Variants in CNOT2 observed in about 807,000 individuals in gnomAD.
CNOT2 encodes CCR4-NOT transcription complex subunit 2.
A neutral mutation model predicts 72.1 loss-of-function variants in CNOT2; 7 were observed. That is an observed-to-expected ratio of 0.10 (90% confidence interval 0.06 to 0.18). CNOT2 has a LOEUF of 0.18. CNOT2 is among the 10% of genes least tolerant of loss of function. The pLI, the probability that CNOT2 is intolerant of heterozygous loss-of-function variation, is 1.00. For missense variants in CNOT2, 345 were observed against 660.3 expected, an observed-to-expected ratio of 0.52 and a Z score of 5.23; for synonymous variants, 196 against 225.6, an observed-to-expected ratio of 0.87 and a Z score of 1.17.
intron 1 of CNOT2, among the ~76,000 whole-genome samples, chr12:70,263,537 AAT>A (rs1958878087): frequency 6.6e-6 from 1 of 152,042 alleles, no homozygotes; most frequent in South Asian, 2.1e-4. Context: ...TTAACTACAT[AAT>A]ATCTCTTTTT....
intron 4 of CNOT2, among the ~76,000 whole-genome samples, chr12:70,328,109 A>G (rs532522269): frequency 2.0e-5 from 3 of 152,038 alleles, no homozygotes; most frequent in South Asian, 4.1e-4. Flanking sequence ...TTAGGTCTCC[A>G]TGGAATCTGA....
intron 2 of CNOT2, among the ~76,000 whole-genome samples, chr12:70,290,000 T>C (rs1380606996): frequency 6.6e-6 from 1 of 152,172 alleles, no homozygotes; most frequent in Non-Finnish European, 1.5e-5. Context: ...TTACTTATAA[T>C]AGAAGCCATT....
intron 15 of CNOT2, among the ~76,000 whole-genome samples, chr12:70,350,100 G>A (rs1054836196): frequency 3.3e-5 from 5 of 151,966 alleles, no homozygotes; most frequent in African/African-American, 1.2e-4. Flanking sequence ...TCGTTTTGCT[G>A]GAATTACTCA....
intron 1 of CNOT2, among the ~76,000 whole-genome samples, chr12:70,247,759 G>A (rs1957950033): frequency 1.3e-5 from 2 of 152,154 alleles, no homozygotes; most frequent in Non-Finnish European, 2.9e-5. Context: ...CCTCTATAGT[G>A]CATAATACTT....
chr12:70,243,042 G>C (rs1957637389), upstream of CNOT2: 1 of 152,670 alleles, frequency 6.6e-6, no homozygotes, highest in African/African-American at 2.4e-5. Context: ...CGTCCCCGGG[G>C]AGGGCGGACT....
At chr12:70,278,027 T>G in intron 1 of CNOT2, 105 bp from the exon 2 acceptor site, 1 of 487,614 alleles carries the variant, frequency 2.1e-6, no homozygotes, top group Admixed American at 3.7e-5. Context: ...ATAGAACAAT[T>G]ACTTTTTGTT....
chr12:70,287,300 G>A (rs1256989228), intron 2 of CNOT2, among the ~76,000 whole-genome samples: 2 of 149,192 alleles, frequency 1.3e-5, no homozygotes, highest in Non-Finnish European at 3.0e-5. Context: ...CTAGTGATTC[G>A]TCAGTTTTAC....
rs911323790 is a variant in CNOT2 at position 70,294,549 on chromosome 12, AT to A, written c.48+16282del. Among the ~76,000 whole-genome samples, 9 of 152,260 alleles carry A rather than the reference AT, an allele frequency of 5.9e-5. No homozygotes were observed. The South Asian group carries it at 8.3e-4, about 14-fold the overall frequency. On this transcript the variant is annotated intron_variant, in intron 2 of 15. Coordinates refer to ENST00000229195, the MANE Select transcript of CNOT2 (RefSeq NM_014515.7). ...TTATAATGCAAAGGAAGGTTCTTAC[AT>A]TTTTTTAAACTTTATATTCTCCACA... is the stretch of plus-strand genomic sequence containing the variant.
chr12:70,325,063 G>A (rs1168259539), intron 4 of CNOT2, among the ~76,000 whole-genome samples: 2 of 151,848 alleles, frequency 1.3e-5, no homozygotes, highest in African/African-American at 4.8e-5. Context: ...CTTGGTCATA[G>A]CACTTATTTA....
chr12:70,245,452 A>G (rs12813767), intron 1 of CNOT2, among the ~76,000 whole-genome samples: 4 of 152,110 alleles, frequency 2.6e-5, no homozygotes, highest in African/African-American at 9.7e-5. Context: ...TTAGTGCTTT[A>G]TCAATACAAA....
At chr12:70,275,178 A>C (rs2135792408) in intron 1 of CNOT2, among the ~76,000 whole-genome samples, 1 of 152,120 alleles carries the variant, frequency 6.6e-6, no homozygotes, top group East Asian at 1.9e-4. Context: ...CTATACTTTA[A>C]ATATATTGAA....
At chr12:70,351,205 CAAAG>C (rs961746565) in intron 15 of CNOT2, among the ~76,000 whole-genome samples, 2 of 151,864 alleles carry the variant, frequency 1.3e-5, no homozygotes, top group Non-Finnish European at 2.9e-5. Context: ...GTTCCTAAAA[CAAAG>C]GAAGAAAGCT....
At chr12:70,273,611 A>C (rs1178632214) in intron 1 of CNOT2, among the ~76,000 whole-genome samples, 1 of 152,182 alleles carries the variant, frequency 6.6e-6, no homozygotes, top group South Asian at 2.1e-4. Flanking sequence ...ATTTAAGCCC[A>C]TATCAAATGA....
chr12:70,248,583 C>T (rs1957999646), intron 1 of CNOT2, among the ~76,000 whole-genome samples: 1 of 152,074 alleles, frequency 6.6e-6, no homozygotes, highest in African/African-American at 2.4e-5. Context: ...TTTTGAGAAA[C>T]ATCTGGCCTT....
At chr12:70,339,335 C>T (rs951186452) in intron 11 of CNOT2, among the ~76,000 whole-genome samples, 3 of 152,002 alleles carry the variant, frequency 2.0e-5, no homozygotes, top group Non-Finnish European at 2.9e-5. Context: ...TCATTTCACT[C>T]CATTGGGACC....
intron 3 of CNOT2, among the ~76,000 whole-genome samples, chr12:70,317,976 G>A (rs1877646111): frequency 6.6e-6 from 1 of 151,758 alleles, no homozygotes; most frequent in Non-Finnish European, 1.5e-5. Context: ...CCACAGATCA[G>A]CCTCTGATAG....
chr12:70,314,376 C>A (rs1876966647), intron 3 of CNOT2, among the ~76,000 whole-genome samples: 1 of 151,700 alleles, frequency 6.6e-6, no homozygotes, highest in African/African-American at 2.4e-5. Context: ...AACAATAGTA[C>A]CTAGCTCATG....
At chr12:70,297,713 T>G (rs1873055974) in intron 2 of CNOT2, 1 of 328,018 alleles carries the variant, frequency 3.0e-6, no homozygotes, top group Non-Finnish European at 5.9e-6. Context: ...TCTACTTATC[T>G]GAAGCCCTCC....
intron 2 of CNOT2, among the ~76,000 whole-genome samples, chr12:70,291,015 A>G (rs1004797141): frequency 2.6e-5 from 4 of 152,092 alleles, no homozygotes; most frequent in African/African-American, 9.7e-5. Context: ...AATGAAAAAT[A>G]AAACAGTACA....
Sources: gnomAD v4.1 joint callset for allele counts (sites outside exome capture counted in the v4.1 genomes callset) on GRCh38, gnomAD v4.1.1 for gene constraint, MANE v1.5 for transcripts, NCBI Gene and HGNC (gene_info 2026-07-23, HGNC 2026-07-21) for gene names.